The following GRAMD4 variants were observed in gnomAD, a reference collection of about 807,000 sequenced individuals.
GRAMD4 encodes GRAM domain containing 4.
Under a neutral mutation model 83.9 loss-of-function variants are expected in GRAMD4, and 25 were observed. That is an observed-to-expected ratio of 0.30 (90% confidence interval 0.22 to 0.42). GRAMD4 has a LOEUF of 0.42. Among genes scored for constraint, GRAMD4 ranks in the 10% least tolerant of loss-of-function variants. GRAMD4 has a pLI of 1.00. For missense variants in GRAMD4, 593 were observed against 788.7 expected, an observed-to-expected ratio of 0.75 and a Z score of 2.97; for synonymous variants, 336 against 320.9, an observed-to-expected ratio of 1.05 and a Z score of -0.50.
chr22:46,663,183 G>T lies in GRAMD4; in HGVS notation c.599+11G>T. On this transcript the variant is annotated intron_variant, in intron 6 of 18. Transcript: ENST00000406902. Reference sequence around the variant, plus strand: ...CCTGAGCGCCCGCAGGTAGGGGTTCGCCGAGCTGGGGCTGCCTGTGCGTTA... The same window carrying T: ...CCTGAGCGCCCGCAGGTAGGGGTTCTCCGAGCTGGGGCTGCCTGTGCGTTA... The T allele has an allele frequency of 6.2e-7, 1 of 1,607,512 alleles. No individual in the cohort carries two copies. The highest frequency in any genetic ancestry group is 8.5e-7 in the Non-Finnish European group (1 of 1,176,462).
chr22:46,578,384 C>T (rs1009627855), intron 1 of GRAMD4, among the ~76,000 whole-genome samples: 2 of 152,122 alleles, frequency 1.3e-5, no homozygotes, highest in African/African-American at 4.8e-5. Context: ...CTCCCTCACC[C>T]TCCTGCTCTG....
At chr22:46,644,392 GGTTACACCTGCCCCTGTTCCAT>G (rs1439552505) in intron 3 of GRAMD4, among the ~76,000 whole-genome samples, 32 of 138,376 alleles carry the variant, frequency 2.3e-4, no homozygotes, top group African/African-American at 7.6e-4. Context: ...CCCTGTTCCA[GGTTACACCTGCCCCTGTTCCAT>G]GTTACACCTG....
rs1040273375 is a variant in GRAMD4 at position 46,677,979 on chromosome 22, G to A, written c.*728G>A. The A allele has an allele frequency of 6.1e-5, 60 of 985,610 alleles. No individual in the cohort carries two copies. Among genetic ancestry groups the A allele is most frequent in the Non-Finnish European group, 6.9e-5 (57 of 830,140 alleles). 61.1% of individuals were successfully genotyped at this position (985,610 alleles called of 1,614,324 possible). A position where few individuals can be genotyped will look rare whatever the true frequency, so the allele number is the denominator to read the frequency against. On this transcript the variant is annotated 3_prime_UTR_variant, in exon 19 of 19. Coordinates refer to ENST00000406902, the MANE Select transcript of GRAMD4 (RefSeq NM_015124.5). Reference sequence around the variant, plus strand: ...CTCAGCACCGCGTCTGTAAGGGCCTGCCTGCTGCTCTCGGCCTGACACGCC... The same window carrying A: ...CTCAGCACCGCGTCTGTAAGGGCCTACCTGCTGCTCTCGGCCTGACACGCC...
At chr22:46,632,171 C>T (rs2081784281) in intron 2 of GRAMD4, among the ~76,000 whole-genome samples, 1 of 152,116 alleles carries the variant, frequency 6.6e-6, no homozygotes, top group Non-Finnish European at 1.5e-5. Flanking sequence ...GTTGGAGGGG[C>T]CCTGGGTGGG....
downstream of GRAMD4, chr22:46,682,456 G>C: frequency 1.0e-6 from 1 of 984,822 alleles, no homozygotes; most frequent in Non-Finnish European, 1.2e-6. Context: ...TACAAAATGA[G>C]TCAGGGGAGG....
chr22:46,632,155 G>C (rs1395524912), intron 2 of GRAMD4, among the ~76,000 whole-genome samples: 2 of 152,246 alleles, frequency 1.3e-5, no homozygotes, highest in African/African-American at 4.8e-5. Context: ...TGCTTGGGAG[G>C]GGAAGGTTGG....
chr22:46,578,351 C>T (rs921101935), intron 1 of GRAMD4, among the ~76,000 whole-genome samples: 2 of 152,110 alleles, frequency 1.3e-5, no homozygotes, highest in African/African-American at 4.8e-5. Flanking sequence ...GGGCAGCACT[C>T]GAGAGAGGAG....
intron 3 of GRAMD4, among the ~76,000 whole-genome samples, chr22:46,639,008 A>G (rs2081932932): frequency 6.6e-6 from 1 of 152,216 alleles, no homozygotes; most frequent in Non-Finnish European, 1.5e-5. Context: ...GCCTGTCCAC[A>G]CAGCCTTGTG....
In GRAMD4 at chr22:46,664,049, A is replaced by G; in HGVS notation, c.649A>G (p.Asn217Asp). 1 of 1,613,508 alleles carries G rather than the reference A, an allele frequency of 6.2e-7. No homozygotes were observed. Among genetic ancestry groups the G allele is most frequent in the Non-Finnish European group, 8.5e-7 (1 of 1,179,878 alleles). Residue 217 changes from asparagine (N) to aspartate (D), a missense_variant, in exon 8 of 19, where the codon AAC becomes GAC. Physicochemically the swap from Asn to Asp is conservative, Grantham distance 23. Coordinates refer to ENST00000406902, the MANE Select transcript of GRAMD4 (RefSeq NM_015124.5). ...AGAGCGCGGTGCCAAGCCGGTCACT[A>G]ACTTTGTGAAGAACCTCTCTGCCTT... ...RLKRGAKPVT[N>D]FVKNLSALSD...
downstream of GRAMD4, among the ~76,000 whole-genome samples, chr22:46,680,068 G>A (rs1025019649): frequency 7.2e-5 from 11 of 152,236 alleles, no homozygotes; most frequent in Non-Finnish European, 1.3e-4. Context: ...GGCGAGGGAC[G>A]CGGCCTGCAG....
intron 4 of GRAMD4, among the ~76,000 whole-genome samples, chr22:46,658,701 C>G (rs1042786765): frequency 6.6e-6 from 1 of 152,042 alleles, no homozygotes; most frequent in Non-Finnish European, 1.5e-5. Flanking sequence ...TGCCCCACCC[C>G]GGGGGCCAGC....
chr22:46,585,814 T>C (rs2081144199), intron 1 of GRAMD4, among the ~76,000 whole-genome samples: 1 of 152,162 alleles, frequency 6.6e-6, no homozygotes, highest in Non-Finnish European at 1.5e-5. Flanking sequence ...CAGGAGTTTA[T>C]AGGACACAGG....
intron 1 of GRAMD4, among the ~76,000 whole-genome samples, chr22:46,588,948 G>A (rs2147930130): frequency 6.6e-6 from 1 of 152,314 alleles, no homozygotes; most frequent in South Asian, 2.1e-4. Context: ...GGTGACAGCA[G>A]AGTTCTCTTA....
At chr22:46,598,501 A>G (rs1022418574) in intron 1 of GRAMD4, among the ~76,000 whole-genome samples, 16 of 151,950 alleles carry the variant, frequency 1.1e-4, no homozygotes, top group African/African-American at 3.6e-4. Context: ...GAACGCCTCT[A>G]AGTTGCTTTC....
chr22:46,599,678 C>G (rs1229009712), intron 1 of GRAMD4, among the ~76,000 whole-genome samples: 1 of 152,174 alleles, frequency 6.6e-6, no homozygotes, highest in Admixed American at 6.6e-5. Flanking sequence ...AATTACCTAG[C>G]AACCTGCATT....
In GRAMD4 at chr22:46,677,415, C is replaced by G; in HGVS notation, c.*164C>G. The G allele has an allele frequency of 3.6e-6, 5 of 1,373,630 alleles. No individual in the cohort carries two copies. Among genetic ancestry groups the G allele is most frequent in the Non-Finnish European group, 4.7e-6 (5 of 1,063,750 alleles). 85.1% of individuals were successfully genotyped at this position (1,373,630 alleles called of 1,614,324 possible). Reference sequence around the variant, plus strand: ...GTGTTGACCTCTGCGTTTTATCGACCAAGAAGGGGCCAGGGCTCACAGGGA... The same window carrying G: ...GTGTTGACCTCTGCGTTTTATCGACGAAGAAGGGGCCAGGGCTCACAGGGA... On this transcript the variant is annotated 3_prime_UTR_variant, in exon 19 of 19. Coordinates refer to ENST00000406902, the MANE Select transcript of GRAMD4 (RefSeq NM_015124.5).
Position 46,668,090 on chromosome 22 carries a change from C to T in GRAMD4, c.859-6C>T, listed in dbSNP as rs1405428489. Reference sequence around the variant, plus strand: ...GTGGAAAATTCTCTTTCCCCTTTTACTGAAGGAACCTCCAAAGGAAGACCT... The same window carrying T: ...GTGGAAAATTCTCTTTCCCCTTTTATTGAAGGAACCTCCAAAGGAAGACCT... On this transcript the variant is annotated splice_region_variant and splice_polypyrimidine_tract_variant and intron_variant, in intron 10 of 18. Transcript: ENST00000406902. 6.3e-7 allele frequency: 1 copy of T among 1,599,466 alleles called. No individual in the cohort carries two copies. Among genetic ancestry groups the T allele is most frequent in the Admixed American group, 1.7e-5 (1 of 59,738 alleles).
chr22:46,668,660 G>A (rs757586148), intron 11 of GRAMD4, 29 bp from the exon 12 acceptor site: 11 of 1,607,966 alleles, frequency 6.8e-6, no homozygotes, highest in African/African-American at 2.7e-5. Context: ...AGCGGGGGCT[G>A]TTGTAATTGC....
At chr22:46,676,567 G>C in intron 17 of GRAMD4, 33 bp from the exon 18 acceptor site, 1 of 1,540,880 alleles carries the variant, frequency 6.5e-7, no homozygotes, top group Non-Finnish European at 8.8e-7. Context: ...CCCCAGGAGA[G>C]ACCTGTGGTG....
Sources: allele counts gnomAD v4.1 joint callset (sites outside exome capture counted in the v4.1 genomes callset), GRCh38; gene constraint gnomAD v4.1.1; transcripts MANE v1.5; gene names NCBI Gene and HGNC (gene_info 2026-07-23, HGNC 2026-07-21).